C7orf78: variants seen among roughly 807,000 people sequenced by gnomAD.
The protein encoded by C7orf78 is chromosome 7 open reading frame 78.
the C7orf78 span, among the ~76,000 whole-genome samples, chr7:12,484,864 A>G: frequency 8.6e-5 from 13 of 151,298 alleles, no homozygotes; most frequent in Admixed American, 8.5e-4. Flanking sequence ...TTTTTTTTTA[A>G]TTTAAATGCT....
chr7:12,490,305 T>C, the C7orf78 span, among the ~76,000 whole-genome samples: 1 of 152,146 alleles, frequency 6.6e-6, no homozygotes, highest in Non-Finnish European at 1.5e-5. Context: ...TTATGCCCTC[T>C]GCTGGTAGTT....
At chr7:12,504,193 T>A in the C7orf78 span, among the ~76,000 whole-genome samples, 1 of 152,184 alleles carries the variant, frequency 6.6e-6, no homozygotes, top group African/African-American at 2.4e-5. Flanking sequence ...GTAAAACTGA[T>A]TTGGAGTTCA....
chr7:12,513,334 T>C, the C7orf78 span, among the ~76,000 whole-genome samples: 1 of 152,068 alleles, frequency 6.6e-6, no homozygotes, highest in Admixed American at 6.5e-5. Context: ...AAATCTTTGT[T>C]TTTTTGGTTG....
chr7:12,522,938 G>C, the C7orf78 span: 8 of 397,810 alleles, frequency 2.0e-5, no homozygotes, highest in Admixed American at 4.4e-5. Flanking sequence ...TTGCTATAGT[G>C]ACAAGCTTCA....
At chr7:12,489,823 G>C in the C7orf78 span, among the ~76,000 whole-genome samples, 2 of 152,092 alleles carry the variant, frequency 1.3e-5, no homozygotes, top group Non-Finnish European at 2.9e-5. Flanking sequence ...GTGATGTGTA[G>C]AAGATGGGTG....
chr7:12,508,500 A>G, the C7orf78 span, among the ~76,000 whole-genome samples: 1 of 152,160 alleles, frequency 6.6e-6, no homozygotes, highest in African/African-American at 2.4e-5. Flanking sequence ...GAAAAATTTT[A>G]TTTTCATTTC....
the C7orf78 span, among the ~76,000 whole-genome samples, chr7:12,518,940 G>A: frequency 2.0e-5 from 3 of 152,116 alleles, no homozygotes; most frequent in Non-Finnish European, 2.9e-5. Context: ...AGTGGTGAGT[G>A]TGAGGAGCCT....
At chr7:12,515,590 T>A in the C7orf78 span, among the ~76,000 whole-genome samples, 1 of 152,092 alleles carries the variant, frequency 6.6e-6, no homozygotes, top group African/African-American at 2.4e-5. Context: ...TTGGAGGGTT[T>A]CGAAGAAGGC....
chr7:12,509,342 C>A, the C7orf78 span, among the ~76,000 whole-genome samples: 1 of 152,090 alleles, frequency 6.6e-6, no homozygotes, highest in Non-Finnish European at 1.5e-5. Context: ...TAGGTTTTTG[C>A]TTTGGAAAGA....
At chr7:12,489,777 A>G in the C7orf78 span, among the ~76,000 whole-genome samples, 3 of 152,164 alleles carry the variant, frequency 2.0e-5, no homozygotes, top group East Asian at 1.9e-4. Flanking sequence ...TAGAAGAGAT[A>G]TGGATAGGAC....
At chr7:12,527,624 G>A in the C7orf78 span, among the ~76,000 whole-genome samples, 1 of 132,556 alleles carries the variant, frequency 7.5e-6, no homozygotes, top group Non-Finnish European at 1.6e-5. Flanking sequence ...ATGCCATCTA[G>A]CTGTGTAATT....
At chr7:12,500,046 C>T in the C7orf78 span, among the ~76,000 whole-genome samples, 1 of 117,564 alleles carries the variant, frequency 8.5e-6, no homozygotes, top group East Asian at 2.5e-4. Context: ...AACAAAGACA[C>T]AACATACCAG....
At chr7:12,508,366 C>T in the C7orf78 span, among the ~76,000 whole-genome samples, 2 of 150,852 alleles carry the variant, frequency 1.3e-5, no homozygotes, top group Admixed American at 6.7e-5. Context: ...AAGTTGTACT[C>T]ATTAAGGAAG....
At chr7:12,536,355 C>T in the C7orf78 span, among the ~76,000 whole-genome samples, 14 of 152,168 alleles carry the variant, frequency 9.2e-5, no homozygotes, top group South Asian at 8.3e-4. Flanking sequence ...CTGAGCTCTA[C>T]GTTGGCCTCT....
chr7:12,486,953 T>TG, the C7orf78 span: 1 of 4,862 alleles, frequency 2.1e-4, no homozygotes, highest in Non-Finnish European at 3.8e-4. Context: ...ATACACCTCC[T>TG]TTTTTTTCAG....
At chr7:12,536,769 A>G in the C7orf78 span, among the ~76,000 whole-genome samples, 1 of 152,078 alleles carries the variant, frequency 6.6e-6, no homozygotes. Context: ...ACCCTAAATT[A>G]TCTCTCTCAA....
the C7orf78 span, among the ~76,000 whole-genome samples, chr7:12,503,007 C>G: frequency 1.4e-5 from 2 of 147,456 alleles, no homozygotes; most frequent in Non-Finnish European, 3.0e-5. Flanking sequence ...ACTGCATATT[C>G]TCACTCATAG....
At chr7:12,487,392 A>T in the C7orf78 span, among the ~76,000 whole-genome samples, 1 of 152,084 alleles carries the variant, frequency 6.6e-6, no homozygotes, top group Non-Finnish European at 1.5e-5. Flanking sequence ...ATCCTTTAGA[A>T]AAATGAAGAT....
the C7orf78 span, among the ~76,000 whole-genome samples, chr7:12,535,718 ACT>A: frequency 6.6e-6 from 1 of 152,248 alleles, no homozygotes; most frequent in Admixed American, 6.5e-5. Context: ...CAAGTTAGTT[ACT>A]TCCTAGATAC....
Sources: gnomAD v4.1 joint callset for allele counts (sites outside exome capture counted in the v4.1 genomes callset) on GRCh38, gnomAD v4.1.1 for gene constraint, MANE v1.5 for transcripts, NCBI Gene and HGNC (gene_info 2026-07-23, HGNC 2026-07-21) for gene names.